C1GALT1: variants seen among roughly 807,000 people sequenced by gnomAD.
C1GALT1 encodes glycoprotein-N-acetylgalactosamine 3-beta-galactosyltransferase 1.
C1GALT1 carries 11 observed loss-of-function variants against 31.0 expected under a neutral mutation model. The observed-to-expected ratio is 0.36, with a 90% CI of 0.22 to 0.59. C1GALT1 has a LOEUF of 0.59. Among genes scored for constraint, C1GALT1 ranks in the 20% least tolerant of loss-of-function variants. The pLI is 0.79. For missense variants in C1GALT1, 424 were observed against 425.2 expected (o/e 1.00, Z 0.03); for synonymous variants, 175 against 143.6 (o/e 1.22, Z -1.56).
chr7:7,194,367 A>C (rs1781198959), intron 1 of C1GALT1, among the ~76,000 whole-genome samples: 1 of 152,072 alleles, frequency 6.6e-6, no homozygotes, highest in African/African-American at 2.4e-5. Flanking sequence ...AATTTTGCTG[A>C]GTGTTTTAAT....
chr7:7,175,856 A>G (rs572396121), intron 2 of C1GALT1, among the ~76,000 whole-genome samples: 8 of 151,974 alleles, frequency 5.3e-5, no homozygotes, highest in African/African-American at 1.9e-4. Flanking sequence ...GTGTCCTTAC[A>G]TAATGGGGAG....
intron 1 of C1GALT1, among the ~76,000 whole-genome samples, chr7:7,233,288 T>C (rs183877856): frequency 2.0e-5 from 3 of 152,066 alleles, no homozygotes; most frequent in African/African-American, 7.2e-5. Flanking sequence ...TTTTCTGAGA[T>C]AGTTTCACTC....
intron 2 of C1GALT1, among the ~76,000 whole-genome samples, chr7:7,236,207 C>T (rs375590854): frequency 2.0e-5 from 3 of 152,120 alleles, no homozygotes; most frequent in African/African-American, 7.2e-5. Context: ...CTGAATTCCT[C>T]TGCAGCAGGA....
chr7:7,191,288 A>G (rs1405148070), intron 1 of C1GALT1, among the ~76,000 whole-genome samples: 1 of 152,066 alleles, frequency 6.6e-6, no homozygotes, highest in African/African-American at 2.4e-5. Context: ...TGTCCTCAAG[A>G]TTCATTCATT....
intron 1 of C1GALT1, among the ~76,000 whole-genome samples, chr7:7,222,396 C>G (rs186704322): frequency 2.6e-5 from 4 of 152,266 alleles, no homozygotes; most frequent in Admixed American, 2.6e-4. Context: ...TGAAGTCTGG[C>G]TCTTTGACAA....
chr7:7,230,394 A>G (rs796490837), intron 1 of C1GALT1, among the ~76,000 whole-genome samples: 11 of 152,160 alleles, frequency 7.2e-5, no homozygotes, highest in African/African-American at 2.4e-4. Context: ...TACTGTTTGT[A>G]TGGTATATTT....
In C1GALT1 at chr7:7,237,799, A is replaced by G. The variant is rs529671655; in HGVS notation, c.221-456A>G. ...CAGAAACTCGTTCAGAGCAGTGAGA[A>G]ATTTCTGTCAGTAATCTATTAAAAA... is the stretch of plus-strand genomic sequence containing the variant. On this transcript the variant is annotated intron_variant, in intron 2 of 3. Transcript: ENST00000436587. 6.2e-4 allele frequency among the ~76,000 whole-genome samples: 94 copies of G among 152,294 alleles called. 2 individuals are homozygous for G. The South Asian group carries it at 0.012, about 19-fold the overall frequency.
At position 7,238,332 on chromosome 7, in the gene C1GALT1, C is replaced by G; in HGVS notation, c.298C>G (p.Leu100Val). The G allele has an allele frequency of 2.5e-6, 4 of 1,613,934 alleles. No homozygotes were observed. Among genetic ancestry groups the G allele is most frequent in the Non-Finnish European group, 3.4e-6 (4 of 1,179,940 alleles). The change falls in exon 3 of 4, where the codon CTA (leucine) becomes GTA (valine). Residue 100 changes from leucine to valine, a missense_variant. Leu to Val is a conservative substitution (Grantham distance 32). This residue lies in a region of C1GALT1 where 189 missense variants were observed against 158.2 expected (regional missense o/e 1.19). Coordinates refer to ENST00000436587, the MANE Select transcript of C1GALT1 (RefSeq NM_020156.5). This position sits in a 1 kb window ranked among gnomAD's most constrained non-coding sequence, Gnocchi z 5.2. ...LCWVMTGPQN[L>V]EKKAKHVKAT... ...CTGGGTTATGACCGGCCCTCAAAAC[C>G]TAGAGAAAAAGGCCAAACACGTCAA...
In C1GALT1 at chr7:7,246,234, C is replaced by G. The variant is rs1783838530; in HGVS notation, c.*2507C>G. ...AAACTGAGGCTCAGAGACAAAGTAA[C>G]TTTGTCACTGTCACAAAGCTAGTAA... On this transcript the variant is annotated 3_prime_UTR_variant, in exon 4 of 4. Transcript: ENST00000436587. The G allele has an allele frequency of 1.3e-5, 2 of 150,158 alleles. No homozygotes were observed. Among genetic ancestry groups the G allele is most frequent in the Admixed American group, 1.3e-4 (2 of 15,090 alleles). The allele number at this position is 150,158 out of a possible 1,614,324, so 9.3% of individuals were successfully genotyped here.
chr7:7,240,243 A>G (rs962655084), intron 3 of C1GALT1, among the ~76,000 whole-genome samples: 11 of 152,162 alleles, frequency 7.2e-5, no homozygotes, highest in African/African-American at 2.7e-4. Flanking sequence ...ACTACATTAT[A>G]AACCTACTAA....
chr7:7,166,751 C>T (rs1698848299), intron 2 of C1GALT1, among the ~76,000 whole-genome samples: 1 of 152,166 alleles, frequency 6.6e-6, no homozygotes, highest in African/African-American at 2.4e-5. Flanking sequence ...AATGGAGTTG[C>T]TAATGCCTAC....
At chr7:7,235,988 G>A (rs1342361329) in intron 2 of C1GALT1, among the ~76,000 whole-genome samples, 1 of 151,944 alleles carries the variant, frequency 6.6e-6, no homozygotes, top group Non-Finnish European at 1.5e-5. Context: ...CATTCCTTTT[G>A]GTGAACTTAT....
intron 2 of C1GALT1, among the ~76,000 whole-genome samples, chr7:7,174,339 G>A (rs1389491667): frequency 2.0e-5 from 3 of 152,214 alleles, no homozygotes; most frequent in Non-Finnish European, 2.9e-5. Flanking sequence ...TTCAAATGCA[G>A]GTTTTTGTGT....
rs908485267 is a variant in C1GALT1 at position 7,225,774 on chromosome 7, C to T, written c.-17-8529C>T. On this transcript the variant is annotated intron_variant, in intron 1 of 3. Transcript: ENST00000436587. The stretch of plus-strand genomic sequence containing the variant: ...CCATTCTTAGAGCCCGTGGACTTTT[C>T]AATATCTTATTTGCACCTCAAGATT... Among the ~76,000 whole-genome samples, 4 of 152,272 alleles carry T rather than the reference C, an allele frequency of 2.6e-5. No homozygotes were observed. In the South Asian group the frequency reaches 8.3e-4, roughly 32 times the overall value.
At position 7,182,815 on chromosome 7, in the gene C1GALT1, T is replaced by C. The variant is rs1458775309; in HGVS notation, c.-23T>C. On this transcript the variant is annotated 5_prime_UTR_variant, in exon 1 of 4. The change abolishes an upstream ATG in the 5' untranslated region. Transcript: ENST00000436587. The stretch of plus-strand genomic sequence containing the variant: ...AGGGGCGAGAGGGAGCCGCAGCTGA[T>C]GTCAGGTATGGCCGGCGGAGGCGCC... 6 of 985,372 alleles carry C rather than the reference T, an allele frequency of 6.1e-6. No homozygotes were observed. Among genetic ancestry groups the C allele is most frequent in the Middle Eastern group, 5.2e-4 (1 of 1,936 alleles). 61.0% of individuals were successfully genotyped at this position (985,372 alleles called of 1,614,324 possible).
intron 2 of C1GALT1, among the ~76,000 whole-genome samples, chr7:7,165,305 G>T (rs1780380031): frequency 6.6e-6 from 1 of 152,184 alleles, no homozygotes; most frequent in Non-Finnish European, 1.5e-5. Flanking sequence ...GTGGGATTAT[G>T]TGGAATAAAG....
At chr7:7,188,576 C>T (rs1281926304) in intron 1 of C1GALT1, among the ~76,000 whole-genome samples, 1 of 147,314 alleles carries the variant, frequency 6.8e-6, no homozygotes, top group Non-Finnish European at 1.5e-5. Flanking sequence ...ATTAAAACAT[C>T]AAAAGGTTAT....
At chr7:7,220,119 G>A (rs2128242067) in intron 1 of C1GALT1, among the ~76,000 whole-genome samples, 2 of 152,254 alleles carry the variant, frequency 1.3e-5, no homozygotes, top group South Asian at 4.2e-4. Flanking sequence ...AAAAAGAGGG[G>A]AATGTGCTAA....
At chr7:7,208,738 TG>T (rs1002354878) in intron 1 of C1GALT1, among the ~76,000 whole-genome samples, 11 of 152,152 alleles carry the variant, frequency 7.2e-5, no homozygotes, top group Admixed American at 3.3e-4. Context: ...TCCTGATATT[TG>T]GAGGACGGGG....
Sources: gnomAD v4.1 joint callset for allele counts (sites outside exome capture counted in the v4.1 genomes callset) on GRCh38, gnomAD v4.1.1 for gene constraint, gnomAD v4.1.1 regional missense constraint, Gnocchi (gnomAD v3.1) non-coding constraint, MANE v1.5 for transcripts, NCBI Gene and HGNC (gene_info 2026-07-23, HGNC 2026-07-21) for gene names.